Variants in PREX2 observed in about 807,000 individuals in gnomAD.
PREX2 encodes the protein phosphatidylinositol-3,4,5-trisphosphate dependent Rac exchange factor 2.
A neutral mutation model predicts 203.2 loss-of-function variants in PREX2; 107 were observed. The ratio of observed to expected loss-of-function variants is 0.53; its 90% CI spans 0.45 to 0.62. The LOEUF (loss-of-function observed/expected upper bound fraction) is 0.62, where lower values mean the gene tolerates loss of function less well. Ranked by LOEUF, PREX2 falls within the 20% of genes least tolerant of loss-of-function variation. The pLI, the probability that PREX2 is intolerant of heterozygous loss-of-function variation, is 0.00. For missense variants in PREX2, 1,777 were observed against 1,955.9 expected, an observed-to-expected ratio of 0.91 and a Z score of 1.72; for synonymous variants, 672 against 663.6, an observed-to-expected ratio of 1.01 and a Z score of -0.19.
At chr8:67,968,337 G>A (rs903192196) in intron 1 of PREX2, among the ~76,000 whole-genome samples, 3 of 152,112 alleles carry the variant, frequency 2.0e-5, no homozygotes, top group Non-Finnish European at 4.4e-5. Context: ...CTGGGAGCTC[G>A]GATTCTGGTG....
At chr8:68,195,330 A>G (rs1449015285) in intron 37 of PREX2, among the ~76,000 whole-genome samples, 2 of 152,252 alleles carry the variant, frequency 1.3e-5, no homozygotes, top group East Asian at 3.8e-4. Context: ...AATTCAAAAT[A>G]AATATAGCTT....
intron 1 of PREX2, among the ~76,000 whole-genome samples, chr8:67,972,915 A>G (rs1308653078): frequency 6.6e-6 from 1 of 152,154 alleles, no homozygotes; most frequent in African/African-American, 2.4e-5. Flanking sequence ...AACATGTGCA[A>G]AACTAAATTC....
Position 68,236,782 on chromosome 8 carries a change from C to T in PREX2, c.*5404C>T, listed in dbSNP as rs766186739. The T allele has an allele frequency of 2.6e-5, 4 of 152,026 alleles. No individual in the cohort carries two copies. Among genetic ancestry groups the T allele is most frequent in the Admixed American group, 6.6e-5 (1 of 15,254 alleles). 9.4% of individuals were successfully genotyped at this position (152,026 alleles called of 1,614,324 possible). A position where few individuals can be genotyped will look rare whatever the true frequency, so the allele number is the denominator to read the frequency against. ...AGTAATTGTTTTGAATATATCCATA[C>T]TTAACATCATATGAAATCCAAAATT... On this transcript the variant is annotated 3_prime_UTR_variant, in exon 40 of 40. Transcript: ENST00000288368.
intron 23 of PREX2, among the ~76,000 whole-genome samples, chr8:68,104,224 G>C (rs1810346231): frequency 6.6e-6 from 1 of 152,124 alleles, no homozygotes; most frequent in Admixed American, 6.5e-5. Flanking sequence ...CATCTCTCCT[G>C]TAAGTGGTAT....
intron 38 of PREX2, among the ~76,000 whole-genome samples, chr8:68,223,681 G>A (rs1386011505): frequency 6.6e-6 from 1 of 152,070 alleles, no homozygotes; most frequent in Admixed American, 6.6e-5. Flanking sequence ...TAATTTTCAT[G>A]AGGAACTAAA....
At chr8:68,199,373 G>T (rs1224805698) in intron 37 of PREX2, among the ~76,000 whole-genome samples, 1 of 152,190 alleles carries the variant, frequency 6.6e-6, no homozygotes, top group Non-Finnish European at 1.5e-5. Context: ...GCACTTATTA[G>T]TTGATGATTT....
chr8:68,081,695 C>T (rs879794817), intron 17 of PREX2, among the ~76,000 whole-genome samples: 2 of 152,090 alleles, frequency 1.3e-5, no homozygotes, highest in Non-Finnish European at 2.9e-5. Flanking sequence ...GATGTTCTCT[C>T]ACTTCATCAG....
chr8:68,103,518 G>T (rs1225348785), intron 23 of PREX2: 3 of 518,292 alleles, frequency 5.8e-6, no homozygotes, highest in South Asian at 2.8e-5. Flanking sequence ...ACATTAAAAA[G>T]AAATAGCCCT....
chr8:68,205,128 A>G (rs1812592583), intron 37 of PREX2, among the ~76,000 whole-genome samples: 1 of 152,194 alleles, frequency 6.6e-6, no homozygotes, highest in African/African-American at 2.4e-5. Context: ...GAAAGTATCA[A>G]TAAATATTGG....
intron 19 of PREX2, 142 bp from the exon 20 acceptor site, chr8:68,090,437 T>C: frequency 4.8e-6 from 3 of 622,900 alleles, no homozygotes; most frequent in Non-Finnish European, 7.9e-6. Flanking sequence ...GAGTGGGCAT[T>C]GCTCTCAGAA....
intron 15 of PREX2, among the ~76,000 whole-genome samples, chr8:68,080,203 T>C (rs1339925311): frequency 6.6e-6 from 1 of 152,124 alleles, no homozygotes; most frequent in African/African-American, 2.4e-5. Context: ...TTAGAAGAAA[T>C]ACTATTTGTT....
chr8:67,986,145 C>T (rs1806413021), intron 1 of PREX2, among the ~76,000 whole-genome samples: 1 of 152,164 alleles, frequency 6.6e-6, no homozygotes, highest in Non-Finnish European at 1.5e-5. Flanking sequence ...TGCCTTTCTA[C>T]TATCTCTTTT....
At chr8:68,190,538 T>C (rs2033584) in intron 35 of PREX2, among the ~76,000 whole-genome samples, 137,374 of 152,092 alleles carry the variant, frequency 0.9, 62,109 homozygotes, top group East Asian at 1. Context: ...AAGCAATAGA[T>C]ACTGAGGGTT....
intron 10 of PREX2, among the ~76,000 whole-genome samples, chr8:68,059,638 A>G (rs1808784325): frequency 6.6e-6 from 1 of 152,260 alleles, no homozygotes; most frequent in Non-Finnish European, 1.5e-5. Flanking sequence ...AACACCAGTC[A>G]GAAGTCCAGG....
rs79580892 is a variant in PREX2 at position 68,053,547 on chromosome 8, T to A, written c.1093+301T>A. ...GGTAGTGTCTTTTAAATAATTTTTT[T>A]AAATAGAAAATTTGTTCAATTTTCT... On this transcript the variant is annotated intron_variant, in intron 9 of 39. Coordinates refer to ENST00000288368, the MANE Select transcript of PREX2 (RefSeq NM_024870.4). 9.6e-3 allele frequency among the ~76,000 whole-genome samples: 1,464 copies of A among 152,314 alleles called. 60 individuals are homozygous for A. The East Asian group carries it at 0.13, about 14-fold the overall frequency.
At chr8:67,964,736 A>G (rs948500709) in intron 1 of PREX2, among the ~76,000 whole-genome samples, 4 of 152,166 alleles carry the variant, frequency 2.6e-5, no homozygotes, top group Middle Eastern at 3.2e-3. Context: ...CCAAGATAAT[A>G]TGGAAATTCT....
chr8:68,222,420 T>A (rs1812970524), intron 38 of PREX2, among the ~76,000 whole-genome samples: 1 of 138,390 alleles, frequency 7.2e-6, no homozygotes. Flanking sequence ...TGGCCAAAAC[T>A]GAAACAATTT....
At chr8:68,082,214 G>A (rs1240043400) in intron 17 of PREX2, 1 of 152,066 alleles carries the variant, frequency 6.6e-6, no homozygotes, top group Non-Finnish European at 1.5e-5. Flanking sequence ...CCTCACCTTG[G>A]TGCCCCTGGT....
chr8:68,168,588 T>G (rs936170361), intron 35 of PREX2, among the ~76,000 whole-genome samples: 1 of 152,240 alleles, frequency 6.6e-6, no homozygotes, highest in African/African-American at 2.4e-5. Context: ...AGGAAGACAA[T>G]TATCTTCCTT....
Sources: allele counts gnomAD v4.1 joint callset (sites outside exome capture counted in the v4.1 genomes callset), GRCh38; gene constraint gnomAD v4.1.1; transcripts MANE v1.5; gene names NCBI Gene and HGNC (gene_info 2026-07-23, HGNC 2026-07-21).